ANKFN1: variants seen among roughly 807,000 people sequenced by gnomAD.
ANKFN1 encodes the protein ankyrin repeat and fibronectin type-III domain-containing protein 1.
A neutral mutation model predicts 108.7 loss-of-function variants in ANKFN1; 74 were observed. The observed-to-expected ratio is 0.68, with a 90% CI of 0.56 to 0.83. The LOEUF (loss-of-function observed/expected upper bound fraction) is 0.83, where lower values mean the gene tolerates loss of function less well. Ranked by LOEUF, ANKFN1 falls within the 40% of genes least tolerant of loss-of-function variation. The pLI is 0.00. For missense variants in ANKFN1, 1,505 were observed against 1,382.3 expected (o/e 1.09, Z -1.41); for synonymous variants, 547 against 516.2 (o/e 1.06, Z -0.81).
chr17:56,289,901 A>C (rs2044315096), intron 3 of ANKFN1, among the ~76,000 whole-genome samples: 1 of 152,054 alleles, frequency 6.6e-6, no homozygotes, highest in Non-Finnish European at 1.5e-5. Context: ...TCTTTCATAT[A>C]CTTGGTCTCC....
chr17:56,132,926 TG>T (rs1567798122), intron 4 of ANKFN1, among the ~76,000 whole-genome samples: 1 of 152,184 alleles, frequency 6.6e-6, no homozygotes, highest in African/African-American at 2.4e-5. Context: ...ACATGAATTT[TG>T]GGGGGAAACA....
intron 18 of ANKFN1, among the ~76,000 whole-genome samples, chr17:56,487,513 G>C (rs2145400267): frequency 6.6e-6 from 1 of 151,536 alleles, no homozygotes; most frequent in East Asian, 1.9e-4. Context: ...TAAACCAATT[G>C]GACTAGAAAG....
At chr17:56,294,150 A>C (rs2044444427) in intron 3 of ANKFN1, among the ~76,000 whole-genome samples, 1 of 152,164 alleles carries the variant, frequency 6.6e-6, no homozygotes, top group African/African-American at 2.4e-5. Flanking sequence ...AGAAGGGCAA[A>C]ATAGCTATAT....
intron 4 of ANKFN1, among the ~76,000 whole-genome samples, chr17:56,096,779 T>TATAA (rs1880458784): frequency 6.6e-6 from 1 of 152,204 alleles, no homozygotes; most frequent in Admixed American, 6.5e-5. Flanking sequence ...CCCAAAGGAA[T>TATAA]ATAAATCATT....
intron 20 of ANKFN1, among the ~76,000 whole-genome samples, chr17:56,508,586 A>C (rs1456695875): frequency 6.6e-6 from 1 of 152,210 alleles, no homozygotes; most frequent in Admixed American, 6.5e-5. Context: ...ACCTCCAGTC[A>C]TTTTTAAAAG....
At chr17:56,231,522 G>C (rs1450719852) in intron 3 of ANKFN1, among the ~76,000 whole-genome samples, 1 of 152,182 alleles carries the variant, frequency 6.6e-6, no homozygotes, top group African/African-American at 2.4e-5. Context: ...TGTGCTGAAG[G>C]ATTTAAAGTT....
chr17:56,379,887 T>C (rs2047046876), intron 8 of ANKFN1, among the ~76,000 whole-genome samples: 1 of 152,270 alleles, frequency 6.6e-6, no homozygotes, highest in Non-Finnish European at 1.5e-5. Flanking sequence ...CCTGTGTTAC[T>C]ATCATAATAC....
intron 1 of ANKFN1, among the ~76,000 whole-genome samples, chr17:56,159,995 C>T (rs1005818426): frequency 6.6e-6 from 1 of 152,114 alleles, no homozygotes; most frequent in African/African-American, 2.4e-5. Context: ...GGTGGGCCAT[C>T]TGGTGTTAAT....
At chr17:56,340,633 G>T (rs570702936) in intron 4 of ANKFN1, among the ~76,000 whole-genome samples, 1 of 152,084 alleles carries the variant, frequency 6.6e-6, no homozygotes, top group Non-Finnish European at 1.5e-5. Flanking sequence ...TCTTATTTCT[G>T]GGTTTGCTAT....
At chr17:56,360,157 A>G (rs1160950552) in intron 6 of ANKFN1, among the ~76,000 whole-genome samples, 1 of 152,102 alleles carries the variant, frequency 6.6e-6, no homozygotes, top group Non-Finnish European at 1.5e-5. Flanking sequence ...GCTTCACTAA[A>G]ATAGGGGTAT....
chr17:56,312,210 A>T (rs1372228294), intron 3 of ANKFN1, among the ~76,000 whole-genome samples: 3 of 151,870 alleles, frequency 2.0e-5, no homozygotes, highest in African/African-American at 4.8e-5. Flanking sequence ...GCTTCTGCCC[A>T]CTCCCACCTT....
intron 18 of ANKFN1, among the ~76,000 whole-genome samples, chr17:56,488,575 G>A (rs2050929735): frequency 6.6e-6 from 1 of 152,204 alleles, no homozygotes. Flanking sequence ...ATGGCATAGT[G>A]TCAACCTTCA....
At chr17:56,101,068 C>T (rs558820849) in intron 4 of ANKFN1, among the ~76,000 whole-genome samples, 4 of 152,090 alleles carry the variant, frequency 2.6e-5, no homozygotes, top group African/African-American at 9.7e-5. Context: ...CCACTTTCTG[C>T]CGTACGTGGA....
chr17:56,492,958 G>C (rs1253878856), intron 19 of ANKFN1, among the ~76,000 whole-genome samples: 2 of 152,170 alleles, frequency 1.3e-5, no homozygotes, highest in Non-Finnish European at 2.9e-5. Flanking sequence ...GATCTGGCCT[G>C]AAATTGCCTC....
Position 56,457,351 on chromosome 17 carries a change from A to G in ANKFN1, c.1402A>G (p.Thr468Ala). The G allele has an allele frequency of 6.2e-7, 1 of 1,605,942 alleles. No individual in the cohort carries two copies. Among genetic ancestry groups the G allele is most frequent in the South Asian group, 1.1e-5 (1 of 88,686 alleles). Residue 468 changes from threonine to alanine, a missense_variant, in exon 13 of 21, where the codon ACC (threonine) becomes GCC (alanine). Physicochemically the swap from Thr to Ala is moderately conservative, Grantham distance 58. Transcript: ENST00000682825. ...AATTGTTGAAATAGATGACTCTCAC[A>G]CCAGTTCTATTACACAAGATTTTCT... is the stretch of plus-strand genomic sequence containing the variant. ...VPIVEIDDSH[T>A]SSITQDFLWF...
At chr17:56,119,365 C>A (rs1044767772) in intron 4 of ANKFN1, among the ~76,000 whole-genome samples, 1 of 152,092 alleles carries the variant, frequency 6.6e-6, no homozygotes, top group East Asian at 1.9e-4. Context: ...GTTGTGAATG[C>A]CACTCAGAGG....
At chr17:56,357,963 A>T (rs1008834375) in intron 6 of ANKFN1, among the ~76,000 whole-genome samples, 9 of 152,182 alleles carry the variant, frequency 5.9e-5, no homozygotes, top group African/African-American at 2.2e-4. Context: ...TAGTTATCCC[A>T]ACACAACAAA....
intron 15 of ANKFN1, among the ~76,000 whole-genome samples, chr17:56,467,858 G>T (rs1002308953): frequency 5.7e-5 from 8 of 140,508 alleles, no homozygotes; most frequent in African/African-American, 2.1e-4. Flanking sequence ...AAGAAAAAGG[G>T]AAAGAAAGAA....
At chr17:56,258,584 G>A (rs1598314530) in intron 3 of ANKFN1, among the ~76,000 whole-genome samples, 1 of 152,190 alleles carries the variant, frequency 6.6e-6, no homozygotes, top group African/African-American at 2.4e-5. Context: ...AAATTAACTG[G>A]CCCACAGCAT....
Sources: allele counts gnomAD v4.1 joint callset (sites outside exome capture counted in the v4.1 genomes callset), GRCh38; gene constraint gnomAD v4.1.1; transcripts MANE v1.5; gene names NCBI Gene and HGNC (gene_info 2026-07-23, HGNC 2026-07-21).